PCDH15: variants seen among roughly 807,000 people sequenced by gnomAD.
PCDH15 encodes the protein protocadherin related 15.
Under a neutral mutation model 178.5 loss-of-function variants are expected in PCDH15, and 129 were observed. The ratio of observed to expected loss-of-function variants is 0.72; its 90% CI spans 0.63 to 0.84. The LOEUF is 0.84. Ranked by LOEUF, PCDH15 falls within the 40% of genes least tolerant of loss-of-function variation. The pLI is 0.00. For missense variants in PCDH15, 2,230 were observed against 2,099.9 expected (o/e 1.06, Z -1.21); for synonymous variants, 800 against 732.0 (o/e 1.09, Z -1.50).
chr10:53,981,908 A>G (rs1407559180), intron 21 of PCDH15, among the ~76,000 whole-genome samples: 4 of 150,596 alleles, frequency 2.7e-5, no homozygotes, highest in African/African-American at 7.3e-5. Flanking sequence ...GAAAATTTTC[A>G]CAACCTACTC....
At chr10:54,123,304 T>C (rs1332576922) in intron 15 of PCDH15, among the ~76,000 whole-genome samples, 2 of 152,094 alleles carry the variant, frequency 1.3e-5, no homozygotes, top group African/African-American at 4.8e-5. Flanking sequence ...AATCTACAAG[T>C]AGCTTAAAGA....
At position 53,806,692 on chromosome 10, in the gene PCDH15, T is replaced by C. The variant is rs1267062781; in HGVS notation, c.5110A>G (p.Ser1704Gly). Residue 1704 changes from serine to glycine, a missense_variant, in exon 38 of 38, where the codon AGT becomes GGT. Physicochemically the swap from Ser to Gly is moderately conservative, Grantham distance 56 (BLOSUM62 0). Transcript: ENST00000644397. ...STVEQESMID[S>G]KNIKEALEFH... ...TCCAAAGCCTCCTTGATGTTCTTAC[T>C]GTCAATCATGGACTCCTGTTCAACT... 2 of 1,613,772 alleles carry C rather than the reference T, an allele frequency of 1.2e-6. No individual in the cohort carries two copies. The highest frequency in any genetic ancestry group is 1.3e-5 in the African/African-American group (1 of 74,918).
chr10:54,270,127 T>G lies in PCDH15; in HGVS notation c.877-33196A>C, dbSNP rs187411072. Among the ~76,000 whole-genome samples, 502 of 152,192 alleles carry G rather than the reference T, an allele frequency of 3.3e-3. 2 individuals carry two copies. Among genetic ancestry groups the G allele is most frequent in the African/African-American group, 0.012 (483 of 41,548 alleles). On this transcript the variant is annotated intron_variant, in intron 8 of 37. Transcript: ENST00000644397. Reference sequence around the variant, plus strand: ...TTTCATATTTTTTACTGGACTAATATTCCAACGCTATAGATAGTGAAATAT... The same window carrying G: ...TTTCATATTTTTTACTGGACTAATAGTCCAACGCTATAGATAGTGAAATAT...
At chr10:54,624,584 T>A (rs1488325306) in intron 2 of PCDH15, among the ~76,000 whole-genome samples, 1 of 152,184 alleles carries the variant, frequency 6.6e-6, no homozygotes, top group Non-Finnish European at 1.5e-5. Context: ...GGGTTCCCAA[T>A]CCCTGGGCCA....
At chr10:53,870,888 T>C (rs1314849817) in intron 26 of PCDH15, among the ~76,000 whole-genome samples, 1 of 152,180 alleles carries the variant, frequency 6.6e-6, no homozygotes, top group East Asian at 1.9e-4. Context: ...GTTTTAAATC[T>C]GGGTCAATAT....
intron 2 of PCDH15, among the ~76,000 whole-genome samples, chr10:54,560,539 AT>A (rs2087974207): frequency 6.6e-6 from 1 of 152,064 alleles, no homozygotes; most frequent in Non-Finnish European, 1.5e-5. Flanking sequence ...TAGATTTGGA[AT>A]TTGTATATAA....
At chr10:54,556,502 T>C (rs769661390) in intron 2 of PCDH15, among the ~76,000 whole-genome samples, 1 of 152,128 alleles carries the variant, frequency 6.6e-6, no homozygotes, top group Non-Finnish European at 1.5e-5. Context: ...CAAAGAAAAA[T>C]TAGAATTTTG....
At chr10:53,811,037 T>C (rs2132388627) in intron 36 of PCDH15, among the ~76,000 whole-genome samples, 1 of 152,320 alleles carries the variant, frequency 6.6e-6, no homozygotes, top group African/African-American at 2.4e-5. Flanking sequence ...TGTATGTTGG[T>C]AGCAAGAAGT....
intron 14 of PCDH15, among the ~76,000 whole-genome samples, chr10:54,151,297 T>C (rs2044503688): frequency 1.3e-5 from 2 of 151,886 alleles, no homozygotes; most frequent in Admixed American, 1.3e-4. Flanking sequence ...TCCCAGCACT[T>C]TGGGAGGCTG....
chr10:55,175,468 G>A (rs1839453909), intron 1 of PCDH15, among the ~76,000 whole-genome samples: 1 of 151,878 alleles, frequency 6.6e-6, no homozygotes, highest in South Asian at 2.1e-4. Context: ...TTTGAGACCA[G>A]CCTGACCAAC....
intron 1 of PCDH15, among the ~76,000 whole-genome samples, chr10:55,255,825 G>C (rs1841981009): frequency 6.6e-6 from 1 of 152,118 alleles, no homozygotes; most frequent in African/African-American, 2.4e-5. Flanking sequence ...ATTTGTTTCA[G>C]TTCATTGTAG....
At chr10:55,339,941 A>G (rs1355288748) in intron 2 of PCDH15, among the ~76,000 whole-genome samples, 6 of 151,776 alleles carry the variant, frequency 4.0e-5, no homozygotes, top group Non-Finnish European at 8.8e-5. Context: ...CAAAGAAAAA[A>G]AAAACCCACA....
chr10:53,934,549 G>T (rs1252791816), intron 25 of PCDH15, among the ~76,000 whole-genome samples: 1 of 150,058 alleles, frequency 6.7e-6, no homozygotes. Context: ...AGTGAGCCCA[G>T]ATCACGCCAC....
chr10:54,800,218 A>G (rs1952525860), intron 1 of PCDH15, among the ~76,000 whole-genome samples: 1 of 152,148 alleles, frequency 6.6e-6, no homozygotes, highest in Admixed American at 6.6e-5. Context: ...CACCCACTCT[A>G]TAGCTACCAA....
chr10:54,364,736 G>A (rs1163497287), intron 5 of PCDH15, among the ~76,000 whole-genome samples: 1 of 152,098 alleles, frequency 6.6e-6, no homozygotes, highest in Middle Eastern at 3.4e-3. Context: ...CACACAGTTT[G>A]GTCAGTCAGA....
At chr10:55,409,850 A>C (rs1391196581) in intron 2 of PCDH15, among the ~76,000 whole-genome samples, 1 of 152,182 alleles carries the variant, frequency 6.6e-6, no homozygotes, top group East Asian at 1.9e-4. Flanking sequence ...AAGGAGGAAC[A>C]TATTAAATAC....
At chr10:55,161,750 G>A (rs982280174) in intron 2 of PCDH15, among the ~76,000 whole-genome samples, 4 of 151,900 alleles carry the variant, frequency 2.6e-5, no homozygotes, top group Admixed American at 1.3e-4. Context: ...AATTTTTAAC[G>A]GACCTTATCT....
chr10:54,613,493 T>TCACACA lies in PCDH15; in HGVS notation c.91+50673_91+50678dup, dbSNP rs1164192874. Among the ~76,000 whole-genome samples the TCACACA allele has an allele frequency of 5.9e-3, 851 of 144,152 alleles. 5 individuals carry two copies. Among genetic ancestry groups the TCACACA allele is most frequent in the African/African-American group, 0.022 (821 of 37,548 alleles). The allele number at this position is 144,152 out of a possible 152,430, so 94.6% of individuals were successfully genotyped here. On this transcript the variant is annotated intron_variant, in intron 2 of 37. Transcript: ENST00000644397. ...CTTCAGTCTCTCTTTTGTCTCTCTC[T>TCACACA]CACACACACATACACACACACACAC...
intron 37 of PCDH15, among the ~76,000 whole-genome samples, chr10:53,807,386 A>G (rs1841260368): frequency 6.6e-6 from 1 of 152,144 alleles, no homozygotes; most frequent in Non-Finnish European, 1.5e-5. Flanking sequence ...AAACACATGT[A>G]TTCTTTTAGA....
Sources: gnomAD v4.1 joint callset for allele counts (sites outside exome capture counted in the v4.1 genomes callset) on GRCh38, gnomAD v4.1.1 for gene constraint, MANE v1.5 for transcripts, NCBI Gene and HGNC (gene_info 2026-07-23, HGNC 2026-07-21) for gene names.